Variants in GRM5 observed in about 807,000 individuals in gnomAD.
The protein encoded by GRM5 is glutamate metabotropic receptor 5, also known as metabotropic glutamate receptor 5.
Under a neutral mutation model 83.1 loss-of-function variants are expected in GRM5, and 19 were observed. That is an observed-to-expected ratio of 0.23 (90% confidence interval 0.16 to 0.34). The LOEUF (loss-of-function observed/expected upper bound fraction) is 0.34, where lower values mean the gene tolerates loss of function less well. Ranked by LOEUF, GRM5 falls within the 10% of genes least tolerant of loss-of-function variation. GRM5 has a pLI of 1.00. For missense variants in GRM5, 1,160 were observed against 1,588.3 expected (o/e 0.73, Z 4.58); for synonymous variants, 675 against 633.6 (o/e 1.07, Z -0.98).
intron 4 of GRM5, among the ~76,000 whole-genome samples, chr11:88,615,855 A>G (rs553188035): frequency 6.6e-6 from 1 of 152,138 alleles, no homozygotes; most frequent in African/African-American, 2.4e-5. Flanking sequence ...GTCCCCATCT[A>G]TCTTCACTCC....
At position 88,508,992 on chromosome 11, in the gene GRM5, A is replaced by G. The variant is rs1941270576; in HGVS notation, c.3239T>C (p.Leu1080Pro). ...ANISELNSMM[L>P]STAAPSPGVG... ...GCCGGGGCTGGGGGCCGCGGTGGAC[A>G]GCATCATGGAGTTGAGCTCGCTGAT... Residue 1080 changes from leucine to proline, a missense_variant, in exon 10 of 10, where the codon CTG becomes CCG. By Grantham distance (98) the Leu-to-Pro change is moderately conservative. Around this residue, in one of 9 missense-constraint regions of GRM5, gnomAD observed 562 missense variants for 532.4 expected, o/e 1.06. Coordinates refer to ENST00000305447, the MANE Select transcript of GRM5 (RefSeq NM_001143831.3). This position sits in a 1 kb window ranked among gnomAD's most constrained non-coding sequence, Gnocchi z 4.2. 4.4e-6 allele frequency: 7 copies of G among 1,579,558 alleles called. No individual in the cohort carries two copies. The East Asian group carries it at 9.2e-5, about 21-fold the overall frequency.
At chr11:88,543,497 G>A (rs1389859488) in intron 8 of GRM5, among the ~76,000 whole-genome samples, 2 of 150,986 alleles carry the variant, frequency 1.3e-5, no homozygotes, top group African/African-American at 4.9e-5. Flanking sequence ...GGCCTGGCAA[G>A]ACTCAATAAT....
intron 2 of GRM5, among the ~76,000 whole-genome samples, chr11:88,863,159 G>A (rs1256132002): frequency 6.6e-6 from 1 of 152,058 alleles, no homozygotes; most frequent in East Asian, 1.9e-4. Context: ...TTACACTCTT[G>A]GTGGGAATGT....
intron 2 of GRM5, among the ~76,000 whole-genome samples, chr11:88,994,266 T>C (rs1017702439): frequency 1.3e-5 from 2 of 151,444 alleles, no homozygotes; most frequent in Non-Finnish European, 2.9e-5. Flanking sequence ...CCTGAGTTCA[T>C]GGATTAGAAG....
intron 3 of GRM5, among the ~76,000 whole-genome samples, chr11:88,748,064 A>T (rs1942180804): frequency 6.6e-6 from 1 of 152,154 alleles, no homozygotes; most frequent in Non-Finnish European, 1.5e-5. Flanking sequence ...CCCCATCCCC[A>T]GGCAAGGGAA....
chr11:88,648,196 A>G (rs1414785631), intron 4 of GRM5, among the ~76,000 whole-genome samples: 1 of 151,782 alleles, frequency 6.6e-6, no homozygotes, highest in East Asian at 1.9e-4. Context: ...ATAAAGACAC[A>G]TGCACACGTA....
At chr11:89,013,983 T>C (rs1940780514) in intron 2 of GRM5, among the ~76,000 whole-genome samples, 1 of 152,174 alleles carries the variant, frequency 6.6e-6, no homozygotes, top group South Asian at 2.1e-4. Context: ...CTTGAATCTT[T>C]AAGGCTTATA....
chr11:88,873,831 C>T (rs1312655403), intron 2 of GRM5, among the ~76,000 whole-genome samples: 4 of 151,570 alleles, frequency 2.6e-5, no homozygotes, highest in African/African-American at 9.7e-5. Context: ...AAATAAACCC[C>T]AAACTAGTAA....
rs749412993 is a variant in GRM5 at position 88,538,098 on chromosome 11, G to GAAA, written c.2631-12697_2631-12695dup. On this transcript the variant is annotated intron_variant, in intron 8 of 9. Coordinates refer to ENST00000305447, the MANE Select transcript of GRM5 (RefSeq NM_001143831.3). ...TTTTCCTTCAATGTTATAGAAAACA[G>GAAA]AAAAAAAAAAAAACCTCAACAAAAA... Among the ~76,000 whole-genome samples the GAAA allele has an allele frequency of 4.0e-4, 50 of 125,766 alleles. 2 individuals are homozygous for GAAA. The highest frequency in any genetic ancestry group is 1.3e-3 in the African/African-American group (47 of 35,396). The allele number at this position is 125,766 out of a possible 152,430, so 82.5% of individuals were successfully genotyped here.
In GRM5 at chr11:88,567,482, T is replaced by G. The variant is rs763389357; in HGVS notation, c.2201A>C (p.Asn734Thr). The change falls in exon 8 of 10, where the codon AAC (asparagine) becomes ACC (threonine). Residue 734 changes from asparagine to threonine, a missense_variant. This residue lies in a region of GRM5 where 44 missense variants were observed against 41.0 expected (regional missense o/e 1.07). Transcript: ENST00000305447. The surrounding 1 kb of genome is among the most constrained non-coding windows in gnomAD (Gnocchi z 7.3). ...AGTGACAACTCCTAGGTTGGTGGTG[T>G]TACAGATCAGGTAGACTTCTCGAAT... ...PSIREVYLIC[N>T]TTNLGVVTPL... 1.2e-6 allele frequency: 2 copies of G among 1,614,100 alleles called. No homozygotes were observed. Among genetic ancestry groups the G allele is most frequent in the South Asian group, 2.2e-5 (2 of 91,076 alleles).
chr11:88,702,584 A>T (rs552752749), intron 3 of GRM5, among the ~76,000 whole-genome samples: 1 of 152,132 alleles, frequency 6.6e-6, no homozygotes, highest in Non-Finnish European at 1.5e-5. Context: ...ATTTCATATG[A>T]TCACAATCAT....
chr11:88,705,648 G>A (rs1181067905), intron 3 of GRM5, among the ~76,000 whole-genome samples: 6 of 150,636 alleles, frequency 4.0e-5, no homozygotes, highest in Non-Finnish European at 8.9e-5. Flanking sequence ...ATTCATCATC[G>A]ACTGCAACAT....
Position 88,567,421 on chromosome 11 carries a change from G to A in GRM5, c.2262C>T (p.Cys754=), listed in dbSNP as rs944764257. 1 of 1,613,910 alleles carries A rather than the reference G, an allele frequency of 6.2e-7. No homozygotes were observed. Among genetic ancestry groups the A allele is most frequent in the Non-Finnish European group, 8.5e-7 (1 of 1,179,742 alleles). Residue 754 remains cysteine (C), a synonymous_variant, in exon 8 of 10, where the codon TGC becomes TGT. Coordinates refer to ENST00000305447, the MANE Select transcript of GRM5 (RefSeq NM_001143831.3). This position sits in a 1 kb window ranked among gnomAD's most constrained non-coding sequence, Gnocchi z 7.3. ...LGYNGLLILS[C]TFYAFKTRNV... ...TTCTGGTCTTGAACGCATAGAAGGT[G>A]CAGCTCAAAATCAACAATCCATTGT...
chr11:88,957,542 G>A (rs1319555298), intron 2 of GRM5, among the ~76,000 whole-genome samples: 1 of 152,200 alleles, frequency 6.6e-6, no homozygotes, highest in Non-Finnish European at 1.5e-5. Flanking sequence ...TTGAAATGGT[G>A]TAATGATTGG....
intron 2 of GRM5, among the ~76,000 whole-genome samples, chr11:88,867,616 C>A (rs1358815792): frequency 1.3e-5 from 2 of 151,478 alleles, no homozygotes; most frequent in Non-Finnish European, 3.0e-5. Flanking sequence ...TATACAAGGT[C>A]TTTAAAAAGG....
chr11:88,986,083 C>T (rs1162906723), intron 2 of GRM5, among the ~76,000 whole-genome samples: 4 of 152,084 alleles, frequency 2.6e-5, no homozygotes, highest in Non-Finnish European at 5.9e-5. Flanking sequence ...ATGATTATGG[C>T]AGGCTTATTA....
intron 3 of GRM5, among the ~76,000 whole-genome samples, chr11:88,689,818 G>A (rs947668126): frequency 1.3e-5 from 2 of 152,194 alleles, no homozygotes; most frequent in African/African-American, 4.8e-5. Flanking sequence ...GTGGAGCATA[G>A]CGATACGAAT....
At chr11:88,709,749 C>T (rs1167497416) in intron 3 of GRM5, among the ~76,000 whole-genome samples, 1 of 152,102 alleles carries the variant, frequency 6.6e-6, no homozygotes, top group Non-Finnish European at 1.5e-5. Context: ...GCATCATCTC[C>T]ATGTGCCCTG....
chr11:88,957,247 T>C (rs1938647101), intron 2 of GRM5, among the ~76,000 whole-genome samples: 1 of 152,124 alleles, frequency 6.6e-6, no homozygotes, highest in Admixed American at 6.6e-5. Context: ...GAAGAATATA[T>C]TCAAGAGAAT....
Sources: allele counts gnomAD v4.1 joint callset (sites outside exome capture counted in the v4.1 genomes callset), GRCh38; gene constraint gnomAD v4.1.1; regional missense constraint gnomAD v4.1.1; non-coding constraint Gnocchi (gnomAD v3.1); transcripts MANE v1.5; gene names NCBI Gene and HGNC (gene_info 2026-07-23, HGNC 2026-07-21).